Variants in WDR35 observed in about 807,000 individuals in gnomAD.
The protein encoded by WDR35 is WD repeat domain 35.
WDR35 carries 118 observed loss-of-function variants against 158.3 expected under a neutral mutation model. The ratio of observed to expected loss-of-function variants is 0.75; its 90% CI spans 0.64 to 0.87. The LOEUF is 0.87. WDR35 is among the 40% of genes least tolerant of loss of function. The pLI, the probability that WDR35 is intolerant of heterozygous loss-of-function variation, is 0.00. For synonymous variants in WDR35, 448 were observed against 476.1 expected, an observed-to-expected ratio of 0.94 and a Z score of 0.77; for missense variants, 1,263 against 1,405.8, an observed-to-expected ratio of 0.90 and a Z score of 1.62.
chr2:19,964,406 CAG>C (rs1327276456), intron 10 of WDR35, among the ~76,000 whole-genome samples: 1 of 117,300 alleles, frequency 8.5e-6, no homozygotes, highest in Admixed American at 1.1e-4. Context: ...TCTTTGGAGA[CAG>C]AGTCTTACTC....
Position 19,978,794 on chromosome 2 carries a change from G to C in WDR35, c.393C>G (p.Cys131Trp), listed in dbSNP as rs774694419. The change falls in exon 5 of 27, where the codon TGC becomes TGG. Residue 131 changes from cysteine (C) to tryptophan (W), a missense_variant. Coordinates refer to ENST00000281405, the MANE Select transcript of WDR35 (RefSeq NM_020779.4). ...MSWNADGQKI[C>W]IVYEDGAVIV... ...TCACAGCCCCATCTTCATATACAAT[G>C]CAGATCTTCTGTCCGTCAGCATTCC... 6.2e-7 allele frequency: 1 copy of C among 1,613,706 alleles called. No individual in the cohort carries two copies.
At chr2:19,935,633 A>C (rs1670669699) in intron 20 of WDR35, 30 bp from the exon 21 acceptor site, 2 of 1,605,882 alleles carry the variant, frequency 1.2e-6, no homozygotes, top group Middle Eastern at 3.3e-4. Context: ...AAAACTTTTA[A>C]AACTAATGTG....
At chr2:19,973,246 A>T (rs555594106) in intron 8 of WDR35, among the ~76,000 whole-genome samples, 1 of 152,212 alleles carries the variant, frequency 6.6e-6, no homozygotes, top group Admixed American at 6.5e-5. Flanking sequence ...ACTAAATACT[A>T]CTCAAAAGCT....
At chr2:19,953,808 TA>T (rs770548921) in intron 12 of WDR35, 25 bp downstream of exon 12, 22 of 1,613,730 alleles carry the variant, frequency 1.4e-5, no homozygotes, top group African/African-American at 4.0e-5. Flanking sequence ...GTTGAGCTAC[TA>T]AAAAGTATGT....
At position 19,980,780 on chromosome 2, in the gene WDR35, G is replaced by A. The variant is rs1471851464; in HGVS notation, c.218C>T (p.Ser73Phe). 11 of 1,613,122 alleles carry A rather than the reference G, an allele frequency of 6.8e-6. No homozygotes were observed. Among genetic ancestry groups the A allele is most frequent in the Non-Finnish European group, 9.3e-6 (11 of 1,179,378 alleles). The change falls in exon 4 of 27, where the codon TCT (serine) becomes TTT (phenylalanine). Residue 73 changes from serine (S) to phenylalanine (F), a missense_variant. Physicochemically the swap from Ser to Phe is radical, Grantham distance 155 (BLOSUM62 -2). Transcript: ENST00000281405. ...CTCATTCCATGTTACAACTTGAACAGAACCTAGAACATTATAAAACAATTT... is the reference window on the plus strand; with the variant it reads ...CTCATTCCATGTTACAACTTGAACAAAACCTAGAACATTATAAAACAATTT... ...MNQTLEGHSG[S>F]VQVVTWNEQY...
intron 6 of WDR35, among the ~76,000 whole-genome samples, chr2:19,975,321 G>A (rs906693123): frequency 4.6e-5 from 7 of 151,898 alleles, no homozygotes; most frequent in Admixed American, 1.3e-4. Context: ...AGCTACACTC[G>A]AACTTGTTGC....
intron 2 of WDR35, among the ~76,000 whole-genome samples, chr2:19,984,030 TATATATATATAC>T (rs1477527895): frequency 5.1e-3 from 22 of 4,346 alleles, no homozygotes; most frequent in South Asian, 0.043. Flanking sequence ...TATATATATA[TATATATATATAC>T]ATATATACAC....
intron 25 of WDR35, among the ~76,000 whole-genome samples, chr2:19,929,616 G>A (rs1436076754): frequency 6.6e-6 from 1 of 152,106 alleles, no homozygotes; most frequent in Non-Finnish European, 1.5e-5. Flanking sequence ...GATATTACAT[G>A]TAAATAATCT....
intron 25 of WDR35, among the ~76,000 whole-genome samples, chr2:19,918,215 C>A (rs964524644): frequency 4.6e-5 from 7 of 152,144 alleles, no homozygotes; most frequent in African/African-American, 1.4e-4. Context: ...CACCATCAGG[C>A]CTCTCCTACA....
At chr2:19,957,686 G>T (rs147999639) in intron 11 of WDR35, among the ~76,000 whole-genome samples, 5,286 of 151,930 alleles carry the variant, frequency 0.035, 297 homozygotes, top group African/African-American at 0.12. Flanking sequence ...CCAAGTAGCT[G>T]GGATTACAGG....
intron 10 of WDR35, among the ~76,000 whole-genome samples, chr2:19,963,023 T>C (rs1197993484): frequency 6.6e-6 from 1 of 152,180 alleles, no homozygotes; most frequent in Non-Finnish European, 1.5e-5. Flanking sequence ...TCCACAAATC[T>C]AAGTAACGTG....
In WDR35 at chr2:19,910,410, C is replaced by T. The variant is rs1669795983; in HGVS notation, c.*3148G>A. 1 of 152,150 alleles carries T rather than the reference C, an allele frequency of 6.6e-6. No homozygotes were observed. Among genetic ancestry groups the T allele is most frequent in the Admixed American group, 6.5e-5 (1 of 15,284 alleles). 9.4% of individuals were successfully genotyped at this position (152,150 alleles called of 1,614,324 possible). A position where few individuals can be genotyped will look rare whatever the true frequency, so the allele number is the denominator to read the frequency against. ...ATGAAATTAGCATTTGTGAATTAAGCATGTCAACATTACTGTGTTGCTTGT... is the reference window on the plus strand; with the variant it reads ...ATGAAATTAGCATTTGTGAATTAAGTATGTCAACATTACTGTGTTGCTTGT... On this transcript the variant is annotated 3_prime_UTR_variant, in exon 27 of 27. Transcript: ENST00000281405.
Position 19,936,364 on chromosome 2 carries a change from C to A in WDR35, c.2269G>T (p.Asp757Tyr). Residue 757 changes from aspartate (D) to tyrosine (Y), a missense_variant and splice_region_variant, in exon 20 of 27, where the codon GAT becomes TAT. By Grantham distance (160) the Asp-to-Tyr change is radical. Transcript: ENST00000281405. ...TTCAGCCGGAGGCCAATAGCAAGAT[C>A]CCTACAAACAAAGGCATTCATTCAT... ...ERTYLEMDRR[D>Y]LAIGLRLKLG... The A allele has an allele frequency of 6.2e-7, 1 of 1,613,888 alleles. No individual in the cohort carries two copies. The highest frequency in any genetic ancestry group is 8.5e-7 in the Non-Finnish European group (1 of 1,179,860).
At chr2:19,926,534 T>G (rs1670360227) in intron 25 of WDR35, among the ~76,000 whole-genome samples, 1 of 152,238 alleles carries the variant, frequency 6.6e-6, no homozygotes, top group Admixed American at 6.5e-5. Flanking sequence ...TCAGTTATGA[T>G]TTCATACAGA....
chr2:19,913,018 AT>A lies in WDR35; in HGVS notation c.*539del, dbSNP rs1230113348. On this transcript the variant is annotated 3_prime_UTR_variant, in exon 27 of 27. Transcript: ENST00000281405. ...TTAGAAACAATTCAGATTGTAAAAA[AT>A]GTCTTAAAATGCCATCGCCTCACTT... The A allele has an allele frequency of 6.6e-6, 1 of 152,644 alleles. No individual in the cohort carries two copies. The highest frequency in any genetic ancestry group is 1.5e-5 in the Non-Finnish European group (1 of 68,320). 9.5% of individuals were successfully genotyped at this position (152,644 alleles called of 1,614,324 possible).
chr2:19,959,466 G>GTATA (rs1671560133), intron 11 of WDR35, among the ~76,000 whole-genome samples: 1 of 151,922 alleles, frequency 6.6e-6, no homozygotes, highest in East Asian at 1.9e-4. Context: ...GAACACTAAT[G>GTATA]TGTATATATA....
intron 11 of WDR35, among the ~76,000 whole-genome samples, chr2:19,957,078 TCA>T (rs1469924769): frequency 2.0e-5 from 3 of 152,300 alleles, no homozygotes; most frequent in South Asian, 4.1e-4. Flanking sequence ...TTTGCCCATA[TCA>T]CACAGTTAGA....
At chr2:19,933,379 G>A (rs754057054) in intron 22 of WDR35, 22 bp downstream of exon 22, 26 of 1,587,448 alleles carry the variant, frequency 1.6e-5, no homozygotes, top group Non-Finnish European at 2.2e-5. Flanking sequence ...AAGCTGCACA[G>A]ACAGAAAGTT....
chr2:19,989,950 CG>C (rs1558366865), intron 1 of WDR35, 41 bp downstream of exon 1: 1 of 1,611,986 alleles, frequency 6.2e-7, no homozygotes, highest in Non-Finnish European at 8.5e-7. Flanking sequence ...CCGCAGGCTG[CG>C]GGAATGGCGG....
Sources: allele counts gnomAD v4.1 joint callset (sites outside exome capture counted in the v4.1 genomes callset), GRCh38; gene constraint gnomAD v4.1.1; transcripts MANE v1.5; gene names NCBI Gene and HGNC (gene_info 2026-07-23, HGNC 2026-07-21).